CDH18: variants seen among roughly 807,000 people sequenced by gnomAD.
CDH18 encodes cadherin-18.
Under a neutral mutation model 67.9 loss-of-function variants are expected in CDH18, and 31 were observed. That is an observed-to-expected ratio of 0.46 (90% CI 0.34 to 0.62). CDH18 has a LOEUF of 0.62. Ranked by LOEUF, CDH18 falls within the 20% of genes least tolerant of loss-of-function variation. The probability of loss-of-function intolerance (pLI) is 0.01; values close to 1 mark genes in which losing one functional copy is unlikely to be tolerated. For synonymous variants in CDH18, 362 were observed against 347.2 expected, an observed-to-expected ratio of 1.04 and a Z score of -0.48; for missense variants, 890 against 975.5, an observed-to-expected ratio of 0.91 and a Z score of 1.17.
At chr5:20,572,577 T>G (rs1474193696) in intron 1 of CDH18, among the ~76,000 whole-genome samples, 1 of 152,170 alleles carries the variant, frequency 6.6e-6, no homozygotes, top group Non-Finnish European at 1.5e-5. Flanking sequence ...TGATCTTAAA[T>G]GTTTCTTTGT....
intron 2 of CDH18, among the ~76,000 whole-genome samples, chr5:19,954,132 C>T (rs182118721): frequency 1.3e-5 from 2 of 152,028 alleles, no homozygotes; most frequent in Non-Finnish European, 2.9e-5. Flanking sequence ...CCACTCAAAT[C>T]TAGCACTTGG....
rs1278861267 is a variant in CDH18, at chr5:19,727,028, T to C, written c.524-5562A>G. ...TCTTCTTGCACCTTGATTTTGGACCTCCCATCTTTCAGAACTGTGACAAAT... is the reference window on the plus strand; with the variant it reads ...TCTTCTTGCACCTTGATTTTGGACCCCCCATCTTTCAGAACTGTGACAAAT... On this transcript the variant is annotated intron_variant, in intron 4 of 12. Coordinates refer to ENST00000382275, the MANE Select transcript of CDH18 (RefSeq NM_004934.5). Among the ~76,000 whole-genome samples, 3 of 152,126 alleles carry C rather than the reference T, an allele frequency of 2.0e-5. No homozygotes were observed. The East Asian group carries it at 5.8e-4, about 29-fold the overall frequency.
chr5:19,675,320 T>C (rs1759324694), intron 5 of CDH18, among the ~76,000 whole-genome samples: 1 of 151,936 alleles, frequency 6.6e-6, no homozygotes, highest in African/African-American at 2.4e-5. Context: ...AGACAACCGG[T>C]ATGACCAAAA....
chr5:19,633,685 A>G (rs999110613), intron 5 of CDH18, among the ~76,000 whole-genome samples: 20 of 151,810 alleles, frequency 1.3e-4, no homozygotes, highest in Non-Finnish European at 1.0e-4. Context: ...GCTGGAGTGC[A>G]GTGGTGCAAT....
intron 1 of CDH18, among the ~76,000 whole-genome samples, chr5:20,552,708 G>A (rs62354282): frequency 0.027 from 4,146 of 151,868 alleles, 96 homozygotes; most frequent in African/African-American, 0.065. Flanking sequence ...CTTAGTCTAC[G>A]TGAAATTTCA....
chr5:19,640,325 G>A (rs1054459555), intron 5 of CDH18, among the ~76,000 whole-genome samples: 3 of 152,042 alleles, frequency 2.0e-5, no homozygotes, highest in Non-Finnish European at 4.4e-5. Context: ...GATTACAAGG[G>A]TATTATATGT....
chr5:19,697,386 T>A (rs1010927000), intron 5 of CDH18, among the ~76,000 whole-genome samples: 2 of 152,156 alleles, frequency 1.3e-5, no homozygotes, highest in African/African-American at 2.4e-5. Context: ...TTATTTAAAT[T>A]GTGTATTGAA....
At chr5:20,570,204 T>C (rs1329852628) in intron 1 of CDH18, among the ~76,000 whole-genome samples, 1 of 152,226 alleles carries the variant, frequency 6.6e-6, no homozygotes, top group Non-Finnish European at 1.5e-5. Context: ...GAATCAATAA[T>C]GGTTCTTCCA....
chr5:20,466,323 T>C (rs146293669), intron 1 of CDH18, among the ~76,000 whole-genome samples: 2 of 152,186 alleles, frequency 1.3e-5, no homozygotes, highest in African/African-American at 4.8e-5. Flanking sequence ...TTATATAATA[T>C]AGGAATACAA....
chr5:20,072,283 T>C (rs1464209698), intron 2 of CDH18, among the ~76,000 whole-genome samples: 1 of 152,012 alleles, frequency 6.6e-6, no homozygotes, highest in Non-Finnish European at 1.5e-5. Context: ...ACTCCAAGAA[T>C]TTCTCTTCTT....
At chr5:20,565,715 C>A (rs1758463419) in intron 1 of CDH18, among the ~76,000 whole-genome samples, 1 of 150,598 alleles carries the variant, frequency 6.6e-6, no homozygotes. Context: ...TTCAACATTC[C>A]AGTCTTCCTG....
intron 5 of CDH18, among the ~76,000 whole-genome samples, chr5:19,713,943 G>T (rs568033647): frequency 6.6e-6 from 1 of 152,150 alleles, no homozygotes; most frequent in East Asian, 1.9e-4. Flanking sequence ...CACCTGCCTG[G>T]GCAGTGCACT....
At chr5:19,723,723 TA>T (rs1185105236) in intron 4 of CDH18, among the ~76,000 whole-genome samples, 1 of 152,122 alleles carries the variant, frequency 6.6e-6, no homozygotes, top group Non-Finnish European at 1.5e-5. Flanking sequence ...TTATTATTAT[TA>T]TTTTTTGAGA....
At chr5:19,630,236 C>T (rs1752225719) in intron 5 of CDH18, among the ~76,000 whole-genome samples, 1 of 152,308 alleles carries the variant, frequency 6.6e-6, no homozygotes, top group African/African-American at 2.4e-5. Context: ...GCCACTGTGC[C>T]TGGCCAGGAT....
intron 2 of CDH18, among the ~76,000 whole-genome samples, chr5:20,143,001 G>T (rs1458378039): frequency 6.6e-6 from 1 of 152,162 alleles, no homozygotes; most frequent in Non-Finnish European, 1.5e-5. Flanking sequence ...TTTGGGATTG[G>T]ATAATGAGTA....
chr5:20,285,997 T>C (rs1395958339), intron 1 of CDH18, among the ~76,000 whole-genome samples: 1 of 151,650 alleles, frequency 6.6e-6, no homozygotes, highest in Non-Finnish European at 1.5e-5. Flanking sequence ...ACATATTTTC[T>C]TTTAAACAAA....
intron 9 of CDH18, among the ~76,000 whole-genome samples, chr5:19,540,241 C>T (rs1396521656): frequency 6.6e-6 from 1 of 152,116 alleles, no homozygotes; most frequent in Non-Finnish European, 1.5e-5. Flanking sequence ...GACTCCATGT[C>T]TCACGTCCAG....
intron 1 of CDH18, among the ~76,000 whole-genome samples, chr5:20,432,894 A>T (rs1748869409): frequency 6.7e-6 from 1 of 149,676 alleles, no homozygotes; most frequent in African/African-American, 2.4e-5. Context: ...ATTAAAAAAA[A>T]TTATATAATA....
chr5:19,979,647 C>A (rs1275674779), intron 2 of CDH18, among the ~76,000 whole-genome samples: 1 of 151,986 alleles, frequency 6.6e-6, no homozygotes, highest in Admixed American at 6.6e-5. Context: ...TCTGAAAAAG[C>A]AATAATTATA....
Sources: allele counts gnomAD v4.1 joint callset (sites outside exome capture counted in the v4.1 genomes callset), GRCh38; gene constraint gnomAD v4.1.1; transcripts MANE v1.5; gene names NCBI Gene and HGNC (gene_info 2026-07-23, HGNC 2026-07-21).